The following NTN1 variants were observed in gnomAD, a reference collection of about 807,000 sequenced individuals.
NTN1 encodes netrin 1.
Under a neutral mutation model 54.2 loss-of-function variants are expected in NTN1, and 11 were observed. The ratio of observed to expected loss-of-function variants is 0.20; its 90% CI spans 0.13 to 0.34. The LOEUF (loss-of-function observed/expected upper bound fraction) is 0.34. Among genes scored for constraint, NTN1 ranks in the 10% least tolerant of loss-of-function variants. The pLI, the probability that NTN1 is intolerant of heterozygous loss-of-function variation, is 1.00. For synonymous variants in NTN1, 371 were observed against 382.0 expected (o/e 0.97, Z 0.33); for missense variants, 740 against 893.1 (o/e 0.83, Z 2.18).
intron 2 of NTN1, among the ~76,000 whole-genome samples, chr17:9,031,102 A>G (rs1255724411): frequency 1.3e-5 from 2 of 152,120 alleles, no homozygotes; most frequent in African/African-American, 4.8e-5. Context: ...GTTGTGTCCA[A>G]TTTTCACACA....
At chr17:9,201,820 G>T (rs1379613834) in intron 5 of NTN1, among the ~76,000 whole-genome samples, 2 of 151,884 alleles carry the variant, frequency 1.3e-5, no homozygotes, top group Non-Finnish European at 2.9e-5. Context: ...CTCTAAAACT[G>T]GGAAGCAAAT....
At chr17:9,160,957 C>T (rs527614880) in intron 2 of NTN1, among the ~76,000 whole-genome samples, 31 of 152,174 alleles carry the variant, frequency 2.0e-4, no homozygotes, top group African/African-American at 7.0e-4. Flanking sequence ...GACCCTGCCT[C>T]GAACAAAACA....
At chr17:9,026,822 C>G (rs567387686) in intron 2 of NTN1, among the ~76,000 whole-genome samples, 1 of 152,044 alleles carries the variant, frequency 6.6e-6, no homozygotes, top group Non-Finnish European at 1.5e-5. Flanking sequence ...TCAGCATGAG[C>G]CCCTGCCTGG....
chr17:9,226,092 C>T lies in NTN1; in HGVS notation c.1486+4850C>T, dbSNP rs1044128763. Among the ~76,000 whole-genome samples the T allele has an allele frequency of 6.2e-5, 9 of 144,212 alleles. No homozygotes were observed. In the East Asian group the frequency reaches 1.4e-3, roughly 23 times the overall value. 94.6% of individuals were successfully genotyped at this position (144,212 alleles called of 152,430 possible). A position where few individuals can be genotyped will look rare whatever the true frequency, so the allele number is the denominator to read the frequency against. ...CCTGTCCCGTGTTCTCTCGGGCACA[C>T]GCTTACAGAGAGCCAGAGCCCAGCT... On this transcript the variant is annotated intron_variant, in intron 6 of 6. Transcript: ENST00000173229.
intron 2 of NTN1, among the ~76,000 whole-genome samples, chr17:9,098,599 A>G (rs534208771): frequency 1.3e-5 from 2 of 152,222 alleles, no homozygotes. Context: ...AGCTGTTTTC[A>G]TATGATCTGG....
chr17:9,008,966 A>G, the NTN1 span, among the ~76,000 whole-genome samples: 4 of 152,164 alleles, frequency 2.6e-5, no homozygotes, highest in Non-Finnish European at 4.4e-5. Flanking sequence ...ACTTGAACCC[A>G]GGAGGCGGAG....
intron 2 of NTN1, among the ~76,000 whole-genome samples, chr17:9,127,333 C>A (rs1484058476): frequency 2.0e-5 from 3 of 151,990 alleles, no homozygotes. Flanking sequence ...GGCAGTGTCA[C>A]CAGAACTAGG....
chr17:9,024,296 C>T (rs1264955027), intron 2 of NTN1, among the ~76,000 whole-genome samples: 1 of 152,122 alleles, frequency 6.6e-6, no homozygotes. Context: ...ATCAGTTTCT[C>T]CCCATAAAAA....
At chr17:9,040,255 A>G (rs2091917044) in intron 2 of NTN1, among the ~76,000 whole-genome samples, 1 of 152,206 alleles carries the variant, frequency 6.6e-6, no homozygotes, top group Non-Finnish European at 1.5e-5. Flanking sequence ...GAACATCTAC[A>G]TTTATTTATG....
intron 5 of NTN1, among the ~76,000 whole-genome samples, chr17:9,189,549 A>C (rs535331525): frequency 6.6e-6 from 1 of 152,112 alleles, no homozygotes; most frequent in South Asian, 2.1e-4. Flanking sequence ...ACGGGGTTTC[A>C]CCATGTTGGC....
rs887899449 is a variant in NTN1 at position 9,212,762 on chromosome 17, G to T, written c.1412-8406G>T. On this transcript the variant is annotated intron_variant, in intron 5 of 6. Coordinates refer to ENST00000173229, the MANE Select transcript of NTN1 (RefSeq NM_004822.3). This position sits in a 1 kb window ranked among gnomAD's most constrained non-coding sequence, Gnocchi z 5.5. ...TACACCCCCTGCCCCACCTTCCCAA[G>T]CCCGACAGCCCAGAAGCAGAGCGGC... is the stretch of plus-strand genomic sequence containing the variant. Among the ~76,000 whole-genome samples the T allele has an allele frequency of 5.3e-5, 8 of 152,330 alleles. No individual in the cohort carries two copies. Among genetic ancestry groups the T allele is most frequent in the African/African-American group, 1.7e-4 (7 of 41,580 alleles).
At chr17:9,072,333 C>T (rs1006447256) in intron 2 of NTN1, among the ~76,000 whole-genome samples, 1 of 151,732 alleles carries the variant, frequency 6.6e-6, no homozygotes, top group Non-Finnish European at 1.5e-5. Context: ...TCCTCCCTGG[C>T]TCCAGCTAAC....
In NTN1 at chr17:9,221,276, G is replaced by C; in HGVS notation, c.1486+34G>C. 6.4e-7 allele frequency: 1 copy of C among 1,562,066 alleles called. No homozygotes were observed. The highest frequency in any genetic ancestry group is 8.8e-7 in the Non-Finnish European group (1 of 1,132,932). On this transcript the variant is annotated intron_variant, in intron 6 of 6. Coordinates refer to ENST00000173229, the MANE Select transcript of NTN1 (RefSeq NM_004822.3). The surrounding 1 kb of genome is among the most constrained non-coding windows in gnomAD (Gnocchi z 4.5). ...GAGTCCCCTTGTCTGGGGAGGATGGGAGGGGGCCACGTGACCAGCGAGGTG... is the reference window on the plus strand; with the variant it reads ...GAGTCCCCTTGTCTGGGGAGGATGGCAGGGGGCCACGTGACCAGCGAGGTG...
intron 2 of NTN1, among the ~76,000 whole-genome samples, chr17:9,085,290 G>A (rs1158320047): frequency 2.0e-5 from 3 of 152,318 alleles, no homozygotes; most frequent in South Asian, 2.1e-4. Context: ...TCAGCTTCCC[G>A]ATGGAAGCTG....
At chr17:9,166,449 C>G (rs1369519893) in intron 3 of NTN1, among the ~76,000 whole-genome samples, 1 of 148,358 alleles carries the variant, frequency 6.7e-6, no homozygotes, top group Non-Finnish European at 1.5e-5. Context: ...TCAAGCGATT[C>G]TCCTGCCTCA....
At chr17:9,185,419 C>G (rs1486706180) in intron 5 of NTN1, among the ~76,000 whole-genome samples, 1 of 152,172 alleles carries the variant, frequency 6.6e-6, no homozygotes, top group Non-Finnish European at 1.5e-5. Flanking sequence ...TGCCTGCGTA[C>G]CAGAGGAGAA....
At chr17:9,108,024 T>C (rs2092173685) in intron 2 of NTN1, among the ~76,000 whole-genome samples, 1 of 152,180 alleles carries the variant, frequency 6.6e-6, no homozygotes, top group African/African-American at 2.4e-5. Context: ...GGCTGTGGGC[T>C]CATGACAAAA....
chr17:9,026,443 A>G (rs967722723), intron 2 of NTN1, among the ~76,000 whole-genome samples: 1 of 151,908 alleles, frequency 6.6e-6, no homozygotes, highest in African/African-American at 2.4e-5. Flanking sequence ...AAGACGATGT[A>G]TAATGTTACG....
At chr17:9,128,144 A>AAAT (rs1275517381) in intron 2 of NTN1, among the ~76,000 whole-genome samples, 20 of 148,936 alleles carry the variant, frequency 1.3e-4, no homozygotes, top group African/African-American at 3.0e-4. Flanking sequence ...ATAAATAAAT[A>AAAT]AATAATAATA....
Sources: allele counts gnomAD v4.1 joint callset (sites outside exome capture counted in the v4.1 genomes callset), GRCh38; gene constraint gnomAD v4.1.1; non-coding constraint Gnocchi (gnomAD v3.1); transcripts MANE v1.5; gene names NCBI Gene and HGNC (gene_info 2026-07-23, HGNC 2026-07-21).